Variants in GRM8 observed in about 807,000 individuals in gnomAD.
GRM8 encodes metabotropic glutamate receptor 8.
A neutral mutation model predicts 87.2 loss-of-function variants in GRM8; 47 were observed. That is an observed-to-expected ratio of 0.54 (90% confidence interval 0.43 to 0.69). The LOEUF is 0.69. Among genes scored for constraint, GRM8 ranks in the 30% least tolerant of loss-of-function variants. The pLI is 0.00. For missense variants in GRM8, 1,019 were observed against 1,139.2 expected, an observed-to-expected ratio of 0.89 and a Z score of 1.52; for synonymous variants, 396 against 404.5, an observed-to-expected ratio of 0.98 and a Z score of 0.25.
At chr7:126,480,838 T>C (rs140877229) in intron 9 of GRM8, among the ~76,000 whole-genome samples, 99 of 152,212 alleles carry the variant, frequency 6.5e-4, no homozygotes, top group African/African-American at 2.2e-3. Context: ...CCAGTAGTAA[T>C]GGGCACACTT....
At chr7:126,806,876 G>A (rs1027446613) in intron 6 of GRM8, among the ~76,000 whole-genome samples, 2 of 152,168 alleles carry the variant, frequency 1.3e-5, no homozygotes, top group Non-Finnish European at 1.5e-5. Context: ...CCACCCGCGC[G>A]TCTCCCTCCA....
intron 3 of GRM8, among the ~76,000 whole-genome samples, chr7:127,101,940 T>C (rs892208876): frequency 5.9e-5 from 9 of 152,216 alleles, no homozygotes; most frequent in Non-Finnish European, 1.3e-4. Context: ...AATAGTGATA[T>C]GGACAGTGAA....
chr7:126,488,475 C>T (rs896591860), intron 9 of GRM8, among the ~76,000 whole-genome samples: 2 of 151,954 alleles, frequency 1.3e-5, no homozygotes, highest in Non-Finnish European at 2.9e-5. Context: ...TTATACCTAA[C>T]ATCCATCCAC....
intron 9 of GRM8, among the ~76,000 whole-genome samples, chr7:126,465,539 G>A (rs995992087): frequency 2.0e-5 from 3 of 151,658 alleles, no homozygotes; most frequent in African/African-American, 4.8e-5. Context: ...CGATGTAGAG[G>A]TCATTTATTT....
intron 7 of GRM8, among the ~76,000 whole-genome samples, chr7:126,659,028 C>T (rs911930507): frequency 4.0e-5 from 6 of 150,650 alleles, no homozygotes; most frequent in South Asian, 2.1e-4. Context: ...AATATGGTTG[C>T]GCCCCGCCCC....
intron 6 of GRM8, among the ~76,000 whole-genome samples, chr7:126,772,605 T>C (rs1818965720): frequency 6.6e-6 from 1 of 152,092 alleles, no homozygotes; most frequent in Non-Finnish European, 1.5e-5. Context: ...TCCTCAAAAA[T>C]ACCACTATAG....
At chr7:127,054,979 A>C (rs1339566724) in intron 3 of GRM8, among the ~76,000 whole-genome samples, 2 of 152,178 alleles carry the variant, frequency 1.3e-5, no homozygotes, top group Admixed American at 6.5e-5. Flanking sequence ...TGAACCAACC[A>C]TATGGTATGA....
intron 6 of GRM8, among the ~76,000 whole-genome samples, chr7:126,893,478 T>G (rs1433900892): frequency 6.6e-6 from 1 of 151,948 alleles, no homozygotes; most frequent in Non-Finnish European, 1.5e-5. Context: ...TTCCAACAAT[T>G]AAAATATTTA....
chr7:126,542,037 T>C (rs1347001980), intron 8 of GRM8, among the ~76,000 whole-genome samples: 2 of 152,104 alleles, frequency 1.3e-5, no homozygotes, highest in Non-Finnish European at 2.9e-5. Context: ...GACACAGGCA[T>C]GAATAGAGGG....
chr7:126,706,029 G>C (rs973451023), intron 7 of GRM8, among the ~76,000 whole-genome samples: 1 of 152,096 alleles, frequency 6.6e-6, no homozygotes, highest in Non-Finnish European at 1.5e-5. Context: ...TACTTTAAGA[G>C]AGGAAAGAAC....
At chr7:127,218,249 T>G (rs1018143346) in intron 2 of GRM8, among the ~76,000 whole-genome samples, 1 of 152,230 alleles carries the variant, frequency 6.6e-6, no homozygotes, top group African/African-American at 2.4e-5. Context: ...CTTCCTTTCT[T>G]GCCCCAACAG....
chr7:127,083,288 C>G (rs1316779485), intron 3 of GRM8, among the ~76,000 whole-genome samples: 2 of 152,148 alleles, frequency 1.3e-5, no homozygotes, highest in African/African-American at 4.8e-5. Context: ...CCTGCCTCTT[C>G]CTTCTCCCTC....
intron 3 of GRM8, chr7:127,058,096 G>A (rs960937695): frequency 4.0e-6 from 2 of 503,620 alleles, no homozygotes; most frequent in Non-Finnish European, 8.2e-6. Flanking sequence ...GCGTTGTGAC[G>A]TCTTACGTCA....
At chr7:127,245,311 G>GT in intron 1 of GRM8, among the ~76,000 whole-genome samples, 1 of 152,286 alleles carries the variant, frequency 6.6e-6, no homozygotes, top group African/African-American at 2.4e-5. Flanking sequence ...TGGCTGAGCC[G>GT]ACCCTTGTTC....
At chr7:126,771,560 A>T (rs1585868248) in intron 6 of GRM8, among the ~76,000 whole-genome samples, 2 of 152,202 alleles carry the variant, frequency 1.3e-5, no homozygotes, top group African/African-American at 4.8e-5. Context: ...AGAAATATAA[A>T]TCGGACTATA....
intron 2 of GRM8, among the ~76,000 whole-genome samples, chr7:127,224,897 G>A (rs370127241): frequency 6.6e-6 from 1 of 152,154 alleles, no homozygotes; most frequent in African/African-American, 2.4e-5. Context: ...TTGCAGGTGT[G>A]AGCCCCTGTG....
chr7:126,960,350 C>T (rs1387680290), intron 3 of GRM8, among the ~76,000 whole-genome samples: 3 of 152,140 alleles, frequency 2.0e-5, no homozygotes, highest in Admixed American at 1.3e-4. Flanking sequence ...AAAATACTCC[C>T]TCTAAAAAAC....
chr7:127,156,701 C>G (rs1308566628), intron 2 of GRM8, among the ~76,000 whole-genome samples: 2 of 152,040 alleles, frequency 1.3e-5, no homozygotes, highest in Non-Finnish European at 2.9e-5. Context: ...AGGCAATACA[C>G]TGAACAACTT....
chr7:126,844,300 A>G (rs1036646876), intron 6 of GRM8, among the ~76,000 whole-genome samples: 2 of 152,168 alleles, frequency 1.3e-5, no homozygotes, highest in African/African-American at 4.8e-5. Context: ...GAGAGATCCT[A>G]ATTCTTTAGG....
Sources: gnomAD v4.1 joint callset for allele counts (sites outside exome capture counted in the v4.1 genomes callset) on GRCh38, gnomAD v4.1.1 for gene constraint, MANE v1.5 for transcripts, NCBI Gene and HGNC (gene_info 2026-07-23, HGNC 2026-07-21) for gene names.